The following LOC400499 variants were observed in gnomAD, a reference collection of about 807,000 sequenced individuals.
At chr16:11,441,802 C>T in the LOC400499 span, among the ~76,000 whole-genome samples, 1 of 152,184 alleles carries the variant, frequency 6.6e-6, no homozygotes, top group Admixed American at 6.6e-5. Context: ...GGAAAGGAAA[C>T]AGACTCTCCT....
At chr16:11,449,036 T>A in the LOC400499 span, 3 of 1,511,452 alleles carry the variant, frequency 2.0e-6, no homozygotes, top group Non-Finnish European at 2.7e-6. Flanking sequence ...CCTGCACTGC[T>A]GCGTTCCAGG....
At chr16:11,466,176 G>T in the LOC400499 span, among the ~76,000 whole-genome samples, 1 of 152,074 alleles carries the variant, frequency 6.6e-6, no homozygotes, top group Non-Finnish European at 1.5e-5. Flanking sequence ...TGTGTGCATA[G>T]ATCATCTCAG....
At chr16:11,373,557 T>G in the LOC400499 span, among the ~76,000 whole-genome samples, 1 of 152,056 alleles carries the variant, frequency 6.6e-6, no homozygotes. Context: ...ACTTTTGACC[T>G]CAAGTGATCC....
At chr16:11,487,437 G>T in the LOC400499 span, 1 of 398,476 alleles carries the variant, frequency 2.5e-6, no homozygotes, top group African/African-American at 2.1e-5. Flanking sequence ...ACAGAGTGGG[G>T]TCTGGCTATT....
chr16:11,448,455 G>A, the LOC400499 span, among the ~76,000 whole-genome samples: 1 of 152,148 alleles, frequency 6.6e-6, no homozygotes, highest in South Asian at 2.1e-4. Flanking sequence ...GAGATGGGAG[G>A]GTAACTTGAG....
chr16:11,513,202 G>A, the LOC400499 span, among the ~76,000 whole-genome samples: 4 of 151,530 alleles, frequency 2.6e-5, no homozygotes, highest in Admixed American at 2.6e-4. Context: ...CCAAGAGTTC[G>A]AGACCAGCCT....
the LOC400499 span, among the ~76,000 whole-genome samples, chr16:11,513,092 C>G: frequency 6.6e-6 from 1 of 152,164 alleles, no homozygotes; most frequent in African/African-American, 2.4e-5. Flanking sequence ...AGCCACAGGT[C>G]ACTTATACGA....
At chr16:11,450,595 C>A in the LOC400499 span, 1 of 1,535,008 alleles carries the variant, frequency 6.5e-7, no homozygotes, top group Non-Finnish European at 8.7e-7. Context: ...TATCGGGGGC[C>A]GAGCACTGCT....
chr16:11,478,217 A>C, the LOC400499 span, among the ~76,000 whole-genome samples: 2 of 148,804 alleles, frequency 1.3e-5, no homozygotes, highest in African/African-American at 4.9e-5. Context: ...CAGTAGAGAC[A>C]GGGTTTCGCC....
chr16:11,415,960 G>GGT, the LOC400499 span, among the ~76,000 whole-genome samples: 1 of 146,286 alleles, frequency 6.8e-6, no homozygotes, highest in Non-Finnish European at 1.5e-5. Flanking sequence ...TTGTTGTTTT[G>GGT]TTTTTTTTTT....
chr16:11,387,808 G>C, the LOC400499 span, among the ~76,000 whole-genome samples: 1 of 152,076 alleles, frequency 6.6e-6, no homozygotes, highest in Non-Finnish European at 1.5e-5. Context: ...ATTTTTAGTA[G>C]AGTTGGAGTT....
At chr16:11,408,675 G>T in the LOC400499 span, among the ~76,000 whole-genome samples, 1 of 151,452 alleles carries the variant, frequency 6.6e-6, no homozygotes. Flanking sequence ...TAGGTTGCAG[G>T]CTGTTTTGAA....
chr16:11,387,215 A>C, the LOC400499 span: 1 of 1,232,232 alleles, frequency 8.1e-7, no homozygotes, highest in Non-Finnish European at 1.0e-6. Flanking sequence ...CTCCTCCATG[A>C]GGTAGCTGGT....
the LOC400499 span, among the ~76,000 whole-genome samples, chr16:11,438,770 C>A: frequency 6.6e-6 from 1 of 152,010 alleles, no homozygotes; most frequent in African/African-American, 2.4e-5. Flanking sequence ...GCCCAGCTAA[C>A]AGAGTGAGAT....
the LOC400499 span, among the ~76,000 whole-genome samples, chr16:11,503,019 T>C: frequency 6.8e-6 from 1 of 146,420 alleles, no homozygotes; most frequent in Non-Finnish European, 1.5e-5. Flanking sequence ...CCTCCTGGGC[T>C]CCAGCGATCC....
chr16:11,393,975 C>T, the LOC400499 span, among the ~76,000 whole-genome samples: 4 of 152,106 alleles, frequency 2.6e-5, no homozygotes, highest in African/African-American at 7.2e-5. Context: ...TTAAAAATAC[C>T]CATCTAGGAG....
At chr16:11,436,807 T>A in the LOC400499 span, among the ~76,000 whole-genome samples, 3 of 152,062 alleles carry the variant, frequency 2.0e-5, no homozygotes, top group African/African-American at 7.2e-5. Flanking sequence ...TTTCCCAGGT[T>A]GGTCTCGAAC....
the LOC400499 span, among the ~76,000 whole-genome samples, chr16:11,416,205 C>T: frequency 6.6e-6 from 1 of 152,110 alleles, no homozygotes; most frequent in Non-Finnish European, 1.5e-5. Context: ...CCGCCTTGGC[C>T]TCCCAAAGTG....
chr16:11,486,571 T>A, the LOC400499 span, among the ~76,000 whole-genome samples: 3 of 66,252 alleles, frequency 4.5e-5, no homozygotes, highest in African/African-American at 2.0e-4. Flanking sequence ...GGTGGATGAA[T>A]GGATGATGGA....
Sources: gnomAD v4.1 joint callset for allele counts (sites outside exome capture counted in the v4.1 genomes callset) on GRCh38, gnomAD v4.1.1 for gene constraint, MANE v1.5 for transcripts.